Variants in GALNT12 observed in about 807,000 individuals in gnomAD.
GALNT12 encodes the protein UDP-GalNAc:polypeptide N-acetylgalactosaminyltransferase 12.
Under a neutral mutation model 55.5 loss-of-function variants are expected in GALNT12, and 45 were observed. The observed-to-expected ratio is 0.81, with a 90% CI of 0.64 to 1.04. The LOEUF (loss-of-function observed/expected upper bound fraction) is 1.04, where lower values mean the gene tolerates loss of function less well. GALNT12 is among the 50% of genes least tolerant of loss of function. The probability of loss-of-function intolerance (pLI) is 0.00; values close to 1 mark genes in which losing one functional copy is unlikely to be tolerated. For synonymous variants in GALNT12, 304 were observed against 312.2 expected (o/e 0.97, Z 0.28); for missense variants, 709 against 754.8 (o/e 0.94, Z 0.71).
At position 98,807,927 on chromosome 9, in the gene GALNT12, G is replaced by T; in HGVS notation, c.229G>T (p.Ala77Ser). 1 of 1,251,040 alleles carries T rather than the reference G, an allele frequency of 8.0e-7. No homozygotes were observed. 77.5% of individuals were successfully genotyped at this position (1,251,040 alleles called of 1,614,324 possible). A position where few individuals can be genotyped will look rare whatever the true frequency, so the allele number is the denominator to read the frequency against. Residue 77 changes from alanine (A) to serine (S), a missense_variant, in exon 1 of 10, where the codon GCG (alanine) becomes TCG (serine). Coordinates refer to ENST00000375011, the MANE Select transcript of GALNT12 (RefSeq NM_024642.5). ...GCCGGTGCCGGCGAACGCGCTGGGC[G>T]CGCGGGGCGAGGCGGTGCGGCTGCA... ...RPPVPANALG[A>S]RGEAVRLQLQ...
intron 8 of GALNT12, chr9:98,844,645 T>G (rs1185529275): frequency 8.5e-6 from 2 of 234,044 alleles, no homozygotes; most frequent in East Asian, 2.6e-4. Flanking sequence ...AAGGATAAAG[T>G]AACAGATCTG....
rs112898261 is a variant in GALNT12, at chr9:98,849,023, C to T, written c.1677C>T (p.Phe559=). 1,265 of 1,614,088 alleles carry T rather than the reference C, an allele frequency of 7.8e-4. 6 individuals carry two copies. In the African/African-American group the frequency reaches 0.014, roughly 18 times the overall value. ...CGAGGAAGGAGTCGAGTGACAGTTTCGTTCCACTCTTACGAGACTGCACCA... is the reference window on the plus strand; with the variant it reads ...CGAGGAAGGAGTCGAGTGACAGTTTTGTTCCACTCTTACGAGACTGCACCA... ...QAARKESSDS[F]VPLLRDCTNS... The change falls in exon 10 of 10, where the codon TTC becomes TTT. Residue 559 remains phenylalanine (F), a synonymous_variant. Coordinates refer to ENST00000375011, the MANE Select transcript of GALNT12 (RefSeq NM_024642.5).
In GALNT12 at chr9:98,831,946, C is replaced by T. The variant is rs375005028; in HGVS notation, c.906C>T (p.Val302=). The T allele has an allele frequency of 4.0e-5, 65 of 1,613,628 alleles. No individual in the cohort carries two copies. The highest frequency in any genetic ancestry group is 4.9e-5 in the Non-Finnish European group (58 of 1,179,846). ...ERERIRMQSP[V]DVIRSPTMAG... ...AGAGGATACGGATGCAATCCCCCGTCGATGTCATCAGGTCAGGAGCTGACT... is the reference window on the plus strand; with the variant it reads ...AGAGGATACGGATGCAATCCCCCGTTGATGTCATCAGGTCAGGAGCTGACT... The change falls in exon 4 of 10, where the codon GTC becomes GTT. Residue 302 remains valine, a synonymous_variant. Transcript: ENST00000375011.
intron 1 of GALNT12, among the ~76,000 whole-genome samples, chr9:98,811,683 C>CT (rs34942139): frequency 0.58 from 76,110 of 132,010 alleles, 22,343 homozygotes; most frequent in Non-Finnish European, 0.63. Flanking sequence ...CGAAGTCGTT[C>CT]TTTTTTTTTT....
chr9:98,836,595 T>A (rs956473352), intron 5 of GALNT12, among the ~76,000 whole-genome samples: 1 of 152,178 alleles, frequency 6.6e-6, no homozygotes, highest in Non-Finnish European at 1.5e-5. Flanking sequence ...CTTCCAAACC[T>A]CTTTTCTTCC....
Position 98,807,715 on chromosome 9 carries a change from C to A in GALNT12, c.17C>A (p.Ala6Glu). 1.7e-6 allele frequency: 2 copies of A among 1,172,222 alleles called. No individual in the cohort carries two copies. Among genetic ancestry groups the A allele is most frequent in the Non-Finnish European group, 2.1e-6 (2 of 948,570 alleles). 72.6% of individuals were successfully genotyped at this position (1,172,222 alleles called of 1,614,324 possible). A position where few individuals can be genotyped will look rare whatever the true frequency, so the allele number is the denominator to read the frequency against. ...GGCGGGCGCATGTGGGGGCGCACGG[C>A]GCGGCGGCGCTGCCCGCGGGAACTG... MWGRT[A>E]RRRCPRELRR... is the part of the protein sequence containing the mutation. The change falls in exon 1 of 10, where the codon GCG (alanine) becomes GAG (glutamate). Residue 6 changes from alanine (A) to glutamate (E), a missense_variant. Transcript: ENST00000375011.
chr9:98,849,115 A>T lies in GALNT12; in HGVS notation c.*23A>T. ...TGAAGCCTCGTGTATCAAGGAGCCC[A>T]TCGAAGGAGACTGTGGAGCCAGGAC... is the stretch of plus-strand genomic sequence containing the variant. On this transcript the variant is annotated 3_prime_UTR_variant, in exon 10 of 10. Coordinates refer to ENST00000375011, the MANE Select transcript of GALNT12 (RefSeq NM_024642.5). The T allele has an allele frequency of 6.2e-7, 1 of 1,613,860 alleles. No individual in the cohort carries two copies. Among genetic ancestry groups the T allele is most frequent in the Non-Finnish European group, 8.5e-7 (1 of 1,179,800 alleles).
Position 98,845,988 on chromosome 9 carries a change from C to T in GALNT12, c.1470C>T (p.Tyr490=), listed in dbSNP as rs774034115. The change falls in exon 9 of 10, where the codon TAC becomes TAT. Residue 490 remains tyrosine, a synonymous_variant. Transcript: ENST00000375011. ...HGMGQNQFFE[Y]TSQKEIRYNT... ...TGCCCCATTTTTAGTTTTTCGAGTACACGTCCCAGAAAGAAATACGCTATA... is the reference window on the plus strand; with the variant it reads ...TGCCCCATTTTTAGTTTTTCGAGTATACGTCCCAGAAAGAAATACGCTATA... The T allele has an allele frequency of 6.2e-7, 1 of 1,614,158 alleles. No homozygotes were observed. Among genetic ancestry groups the T allele is most frequent in the Admixed American group, 1.7e-5 (1 of 60,024 alleles).
chr9:98,820,214 A>T (rs1201919000), intron 1 of GALNT12, among the ~76,000 whole-genome samples: 1 of 152,122 alleles, frequency 6.6e-6, no homozygotes, highest in East Asian at 1.9e-4. Flanking sequence ...TAAGCCCAGC[A>T]TGCATTAGCT....
At chr9:98,821,257 G>C (rs1020097638) in intron 1 of GALNT12, among the ~76,000 whole-genome samples, 1 of 152,114 alleles carries the variant, frequency 6.6e-6, no homozygotes, top group African/African-American at 2.4e-5. Context: ...TGATCTGCCG[G>C]CCTCAGCCTC....
chr9:98,813,665 A>G (rs1008497719), intron 1 of GALNT12, among the ~76,000 whole-genome samples: 1 of 151,974 alleles, frequency 6.6e-6, no homozygotes, highest in African/African-American at 2.4e-5. Flanking sequence ...ATGCCCTGCT[A>G]ATTTTTGTAT....
intron 4 of GALNT12, among the ~76,000 whole-genome samples, chr9:98,834,869 G>C (rs1256112972): frequency 1.3e-5 from 2 of 152,246 alleles, no homozygotes; most frequent in East Asian, 3.9e-4. Context: ...GCTCATGCTG[G>C]AGAACCATTC....
Position 98,808,083 on chromosome 9 carries a change from T to G in GALNT12, c.371+14T>G, listed in dbSNP as rs1835418587. ...CTGGAACCCGCTGTGAGTGCACAGCTCTGGGGAGGAAGCCCGCCCTCAGAG... is the reference window on the plus strand; with the variant it reads ...CTGGAACCCGCTGTGAGTGCACAGCGCTGGGGAGGAAGCCCGCCCTCAGAG... On this transcript the variant is annotated intron_variant, in intron 1 of 9. Transcript: ENST00000375011. The G allele has an allele frequency of 6.4e-7, 1 of 1,559,548 alleles. No homozygotes were observed. Among genetic ancestry groups the G allele is most frequent in the African/African-American group, 1.3e-5 (1 of 74,200 alleles).
intron 9 of GALNT12, among the ~76,000 whole-genome samples, chr9:98,847,989 T>A (rs983737448): frequency 6.6e-6 from 1 of 152,002 alleles, no homozygotes; most frequent in Admixed American, 6.6e-5. Context: ...ATTTTTTGTA[T>A]TTTTAGTAGA....
intron 1 of GALNT12, among the ~76,000 whole-genome samples, chr9:98,809,792 G>A (rs752281051): frequency 5.3e-5 from 8 of 152,120 alleles, no homozygotes; most frequent in Non-Finnish European, 7.4e-5. Flanking sequence ...CTTTATTGTC[G>A]CAGGTTGTGA....
chr9:98,837,151 G>A lies in GALNT12; in HGVS notation c.1212+3G>A. 6.2e-7 allele frequency: 1 copy of A among 1,614,162 alleles called. No individual in the cohort carries two copies. The highest frequency in any genetic ancestry group is 8.5e-7 in the Non-Finnish European group (1 of 1,180,012). On this transcript the variant is annotated splice_donor_region_variant and intron_variant, in intron 6 of 9. Coordinates refer to ENST00000375011, the MANE Select transcript of GALNT12 (RefSeq NM_024642.5). ...ATCGCAACCCCCGTGCCCGCTTGGT[G>A]AGTTCCTCGGCCCACCTGCACTCCA...
chr9:98,809,272 T>C (rs1835443159), intron 1 of GALNT12, among the ~76,000 whole-genome samples: 1 of 152,254 alleles, frequency 6.6e-6, no homozygotes, highest in Admixed American at 6.5e-5. Context: ...GATCTCCTCA[T>C]GCCTAGCCTC....
In GALNT12 at chr9:98,807,670, G is replaced by T. The variant is rs1835402767; in HGVS notation, c.-29G>T. 1.8e-6 allele frequency: 2 copies of T among 1,103,238 alleles called. No homozygotes were observed. The highest frequency in any genetic ancestry group is 2.2e-6 in the Non-Finnish European group (2 of 907,538). 68.3% of individuals were successfully genotyped at this position (1,103,238 alleles called of 1,614,324 possible). A position where few individuals can be genotyped will look rare whatever the true frequency, so the allele number is the denominator to read the frequency against. ...GGCCTCCACCGCCGCCTTGGGGCGC[G>T]CAGATCGCTGGCTGCAGTTGGCGGG... On this transcript the variant is annotated 5_prime_UTR_variant, in exon 1 of 10. Coordinates refer to ENST00000375011, the MANE Select transcript of GALNT12 (RefSeq NM_024642.5).
intron 5 of GALNT12, among the ~76,000 whole-genome samples, chr9:98,836,382 A>C (rs1257560129): frequency 1.3e-5 from 2 of 152,208 alleles, no homozygotes; most frequent in Non-Finnish European, 2.9e-5. Flanking sequence ...CCGAGGACTC[A>C]CGCCCTCTGT....
Sources: allele counts gnomAD v4.1 joint callset (sites outside exome capture counted in the v4.1 genomes callset), GRCh38; gene constraint gnomAD v4.1.1; transcripts MANE v1.5; gene names NCBI Gene and HGNC (gene_info 2026-07-23, HGNC 2026-07-21).